The following SLCO6A1 variants were observed in gnomAD, a reference collection of about 807,000 sequenced individuals.
The protein encoded by SLCO6A1 is cancer/testis antigen 48.
In SLCO6A1, 65 loss-of-function variants were observed where a neutral mutation model predicts 72.7. The observed-to-expected ratio is 0.89, with a 90% CI of 0.73 to 1.10. SLCO6A1 has a LOEUF of 1.10. Among genes scored for constraint, SLCO6A1 ranks in the 50% least tolerant of loss-of-function variants. The pLI is 0.00. For synonymous variants in SLCO6A1, 314 were observed against 298.2 expected (o/e 1.05, Z -0.55); for missense variants, 874 against 872.6 (o/e 1.00, Z -0.02).
chr5:102,463,218 A>ATAC (rs1369809572), intron 4 of SLCO6A1, among the ~76,000 whole-genome samples: 1 of 152,056 alleles, frequency 6.6e-6, no homozygotes, highest in Admixed American at 6.6e-5. Flanking sequence ...CCACAATGAG[A>ATAC]TACTACCTTA....
At chr5:102,386,396 G>A (rs1045694403) in intron 12 of SLCO6A1, among the ~76,000 whole-genome samples, 3 of 152,188 alleles carry the variant, frequency 2.0e-5, no homozygotes, top group Admixed American at 6.5e-5. Context: ...CCTTGTTTCT[G>A]CATCTGCAGA....
At chr5:102,469,031 G>T (rs1192254583) in intron 4 of SLCO6A1, among the ~76,000 whole-genome samples, 2 of 152,014 alleles carry the variant, frequency 1.3e-5, no homozygotes, top group Non-Finnish European at 2.9e-5. Flanking sequence ...GTCTGCTTTG[G>T]TACCAGTACC....
intron 1 of SLCO6A1, among the ~76,000 whole-genome samples, chr5:102,491,042 G>A (rs568987158): frequency 1.8e-4 from 27 of 152,200 alleles, no homozygotes; most frequent in South Asian, 4.1e-4. Flanking sequence ...TGATTGGTGC[G>A]TTTACAATCC....
chr5:102,463,567 C>A (rs1751152772), intron 4 of SLCO6A1, among the ~76,000 whole-genome samples: 1 of 152,164 alleles, frequency 6.6e-6, no homozygotes, highest in Non-Finnish European at 1.5e-5. Flanking sequence ...TATATATACA[C>A]CATGGAATAC....
At chr5:102,387,108 G>A (rs975420492) in intron 12 of SLCO6A1, among the ~76,000 whole-genome samples, 3 of 152,098 alleles carry the variant, frequency 2.0e-5, no homozygotes, top group African/African-American at 7.2e-5. Flanking sequence ...AAGAAGTGCT[G>A]AAAACTCCTA....
intron 7 of SLCO6A1, among the ~76,000 whole-genome samples, chr5:102,421,654 G>T (rs1235192543): frequency 6.6e-6 from 1 of 152,114 alleles, no homozygotes; most frequent in East Asian, 1.9e-4. Flanking sequence ...CCATCTCCCT[G>T]GGACAGAGCA....
At chr5:102,447,078 A>G (rs1276715243) in intron 6 of SLCO6A1, among the ~76,000 whole-genome samples, 1 of 152,132 alleles carries the variant, frequency 6.6e-6, no homozygotes, top group African/African-American at 2.4e-5. Flanking sequence ...ACCAAAAAGG[A>G]TATTGAATTT....
At chr5:102,373,610 T>C (rs6596480) in intron 12 of SLCO6A1, 116 bp from the exon 13 acceptor site, 376,977 of 593,600 alleles carry the variant, frequency 0.64, 121,637 homozygotes, top group African/African-American at 0.67. Flanking sequence ...GGTATAAATT[T>C]CCCAATTTTA....
intron 12 of SLCO6A1, among the ~76,000 whole-genome samples, chr5:102,384,142 TA>T (rs919997767): frequency 6.6e-6 from 1 of 151,882 alleles, no homozygotes; most frequent in Non-Finnish European, 1.5e-5. Flanking sequence ...TTTATTTTGT[TA>T]TTTTTTTCTA....
At chr5:102,489,268 C>T (rs529515134) in intron 1 of SLCO6A1, among the ~76,000 whole-genome samples, 11 of 152,288 alleles carry the variant, frequency 7.2e-5, no homozygotes, top group African/African-American at 2.6e-4. Flanking sequence ...CTCTCCTCTC[C>T]TTCTCTTCAA....
intron 8 of SLCO6A1, among the ~76,000 whole-genome samples, chr5:102,414,833 T>G (rs1748185192): frequency 6.6e-6 from 1 of 152,024 alleles, no homozygotes; most frequent in East Asian, 1.9e-4. Context: ...AAGTGGAGGT[T>G]GCAGTGAGCT....
At chr5:102,497,608 T>C (rs1243044898) in intron 1 of SLCO6A1, among the ~76,000 whole-genome samples, 1 of 152,184 alleles carries the variant, frequency 6.6e-6, no homozygotes, top group Admixed American at 6.5e-5. Context: ...TTTGCAAAAA[T>C]TATAAATGAG....
Position 102,413,781 on chromosome 5 carries a change from C to G in SLCO6A1, c.1473-638G>C, listed in dbSNP as rs1252767331. Among the ~76,000 whole-genome samples the G allele has an allele frequency of 2.0e-5, 3 of 152,112 alleles. No homozygotes were observed. In the East Asian group the frequency reaches 5.8e-4, roughly 29 times the overall value. On this transcript the variant is annotated intron_variant, in intron 8 of 13. Transcript: ENST00000506729. Reference sequence around the variant, plus strand: ...TCCTCACCAACACTTGGTATGGTCTCTTTTTAAAAAAATGTTAGACATTTT... The same window carrying G: ...TCCTCACCAACACTTGGTATGGTCTGTTTTTAAAAAAATGTTAGACATTTT...
At chr5:102,491,064 A>C (rs1269805080) in intron 1 of SLCO6A1, among the ~76,000 whole-genome samples, 1 of 152,118 alleles carries the variant, frequency 6.6e-6, no homozygotes, top group Non-Finnish European at 1.5e-5. Context: ...TGAGCTAGAC[A>C]CAAAGGTTCT....
chr5:102,386,736 G>T (rs1221025625), intron 12 of SLCO6A1, among the ~76,000 whole-genome samples: 1 of 152,140 alleles, frequency 6.6e-6, no homozygotes, highest in Non-Finnish European at 1.5e-5. Context: ...CAGGGCTTTG[G>T]GACTCAACCT....
chr5:102,435,254 G>C (rs1461206264), intron 7 of SLCO6A1, among the ~76,000 whole-genome samples: 3 of 152,188 alleles, frequency 2.0e-5, no homozygotes, highest in African/African-American at 7.2e-5. Context: ...AAAAGAATGT[G>C]AAGTAAGCTT....
chr5:102,471,302 A>T (rs2112801408), intron 4 of SLCO6A1, among the ~76,000 whole-genome samples: 1 of 152,088 alleles, frequency 6.6e-6, no homozygotes, highest in South Asian at 2.1e-4. Flanking sequence ...AACTACCCAA[A>T]CAAGCTGAAC....
At chr5:102,407,790 A>T (rs1250221703) in intron 9 of SLCO6A1, among the ~76,000 whole-genome samples, 1 of 152,196 alleles carries the variant, frequency 6.6e-6, no homozygotes, top group Non-Finnish European at 1.5e-5. Context: ...CAAAAAAATT[A>T]GAGCCTTCTT....
intron 12 of SLCO6A1, among the ~76,000 whole-genome samples, chr5:102,382,726 A>T (rs1248199169): frequency 6.6e-6 from 1 of 151,082 alleles, no homozygotes; most frequent in Non-Finnish European, 1.5e-5. Flanking sequence ...ATTTCTGTCT[A>T]TCTCTTTTTT....
Sources: gnomAD v4.1 joint callset for allele counts (sites outside exome capture counted in the v4.1 genomes callset) on GRCh38, gnomAD v4.1.1 for gene constraint, MANE v1.5 for transcripts, NCBI Gene and HGNC (gene_info 2026-07-23, HGNC 2026-07-21) for gene names.